The following PDZRN4 variants were observed in gnomAD, a reference collection of about 807,000 sequenced individuals.
The protein encoded by PDZRN4 is PDZ domain containing ring finger 4.
Under a neutral mutation model 99.0 loss-of-function variants are expected in PDZRN4, and 70 were observed. The ratio of observed to expected loss-of-function variants is 0.71; its 90% CI spans 0.58 to 0.86. The LOEUF (loss-of-function observed/expected upper bound fraction) is 0.86. PDZRN4 is among the 40% of genes least tolerant of loss of function. The pLI is 0.00. For missense variants in PDZRN4, 1,474 were observed against 1,331.2 expected (o/e 1.11, Z -1.67); for synonymous variants, 551 against 501.6 (o/e 1.10, Z -1.32).
chr12:41,275,611 A>C (rs933608598), intron 3 of PDZRN4, among the ~76,000 whole-genome samples: 1 of 152,048 alleles, frequency 6.6e-6, no homozygotes, highest in African/African-American at 2.4e-5. Flanking sequence ...CGGTTGGTGT[A>C]ATTTTTATTT....
chr12:41,267,214 G>A (rs1454309350), intron 3 of PDZRN4, among the ~76,000 whole-genome samples: 1 of 152,150 alleles, frequency 6.6e-6, no homozygotes, highest in Non-Finnish European at 1.5e-5. Context: ...AAAATATACT[G>A]TAGTGGATTG....
chr12:41,203,980 G>T (rs1566357383), intron 3 of PDZRN4, among the ~76,000 whole-genome samples: 2 of 152,020 alleles, frequency 1.3e-5, no homozygotes, highest in South Asian at 2.1e-4. Flanking sequence ...AAAAGTGAAA[G>T]AACTTGAGAT....
chr12:41,418,779 G>A (rs1172901149), intron 3 of PDZRN4, among the ~76,000 whole-genome samples: 1 of 152,156 alleles, frequency 6.6e-6, no homozygotes, highest in Admixed American at 6.5e-5. Flanking sequence ...ACATTCACCA[G>A]CAGCCAAGGG....
In PDZRN4 at chr12:41,200,567, G is replaced by A. The variant is rs527972394; in HGVS notation, c.843+6379G>A. On this transcript the variant is annotated intron_variant, in intron 3 of 9. Transcript: ENST00000402685. ...TCTTTTTACTGTGCAGCTTGCACAC[G>A]GCACAGCTGGATTTGGTGTTCCTGT... is the stretch of plus-strand genomic sequence containing the variant. Among the ~76,000 whole-genome samples the A allele has an allele frequency of 7.9e-5, 12 of 152,214 alleles. No individual in the cohort carries two copies. The East Asian group carries it at 9.7e-4, about 12-fold the overall frequency.
Position 41,191,552 on chromosome 12 carries a change from A to T in PDZRN4, c.735+8A>T. ...GGAGGTCGACCAAATCAGGTAAAAC[A>T]CCTTGTTAATGCATTACTCGTTACT... On this transcript the variant is annotated splice_region_variant and intron_variant, in intron 2 of 9. Transcript: ENST00000402685. The T allele has an allele frequency of 7.5e-7, 1 of 1,328,494 alleles. No homozygotes were observed. Among genetic ancestry groups the T allele is most frequent in the Non-Finnish European group, 1.1e-6 (1 of 935,150 alleles). 82.3% of individuals were successfully genotyped at this position (1,328,494 alleles called of 1,614,324 possible). A position where few individuals can be genotyped will look rare whatever the true frequency, so the allele number is the denominator to read the frequency against.
At chr12:41,385,234 A>C (rs1158512089) in intron 3 of PDZRN4, among the ~76,000 whole-genome samples, 1 of 152,208 alleles carries the variant, frequency 6.6e-6, no homozygotes, top group African/African-American at 2.4e-5. Flanking sequence ...TTGCACAATT[A>C]AAAAGGAAGA....
At chr12:41,366,418 A>G (rs1043709129) in intron 3 of PDZRN4, among the ~76,000 whole-genome samples, 2 of 152,268 alleles carry the variant, frequency 1.3e-5, no homozygotes, top group South Asian at 2.1e-4. Context: ...TATCAGCAGT[A>G]ATATATGACT....
intron 3 of PDZRN4, among the ~76,000 whole-genome samples, chr12:41,335,622 G>A (rs970516863): frequency 6.6e-6 from 1 of 152,036 alleles, no homozygotes; most frequent in Non-Finnish European, 1.5e-5. Context: ...TGTTTGCCCA[G>A]GATATTAGTT....
In PDZRN4 at chr12:41,572,824, A is replaced by G; in HGVS notation, c.2045A>G (p.Asn682Ser). 2 of 1,614,190 alleles carry G rather than the reference A, an allele frequency of 1.2e-6. No homozygotes were observed. The highest frequency in any genetic ancestry group is 1.7e-6 in the Non-Finnish European group (2 of 1,180,008). Residue 682 changes from asparagine to serine, a missense_variant, in exon 10 of 10, where the codon AAT (asparagine) becomes AGT (serine). Physicochemically the swap from Asn to Ser is conservative, Grantham distance 46. Coordinates refer to ENST00000402685, the MANE Select transcript of PDZRN4 (RefSeq NM_001164595.2). ...AGAAACATTGAGCTTGAGTGTCAGA[A>G]TATCATGCAGGCTCACAGGCTCCAG... ...ELRNIELECQ[N>S]IMQAHRLQKV...
intron 3 of PDZRN4, among the ~76,000 whole-genome samples, chr12:41,479,296 C>T (rs1350486688): frequency 6.6e-6 from 1 of 152,008 alleles, no homozygotes; most frequent in Non-Finnish European, 1.5e-5. Flanking sequence ...GTAGATGACA[C>T]AGTATTTTTT....
Position 41,477,949 on chromosome 12 carries a change from A to G in PDZRN4, c.844-28507A>G, listed in dbSNP as rs144597121. The G allele has an allele frequency of 3.7e-6, 5 of 1,366,510 alleles. No individual in the cohort carries two copies. The African/African-American group carries it at 5.7e-5, about 16-fold the overall frequency. 84.6% of individuals were successfully genotyped at this position (1,366,510 alleles called of 1,614,324 possible). A position where few individuals can be genotyped will look rare whatever the true frequency, so the allele number is the denominator to read the frequency against. ...AGTATGGCATTAAATTTATTTCATC[A>G]TATTATTCTCTTGCTTATCAGTGAG... On this transcript the variant is annotated intron_variant, in intron 3 of 9. Coordinates refer to ENST00000402685, the MANE Select transcript of PDZRN4 (RefSeq NM_001164595.2).
At chr12:41,466,353 T>A (rs1252207071) in intron 3 of PDZRN4, among the ~76,000 whole-genome samples, 1 of 152,054 alleles carries the variant, frequency 6.6e-6, no homozygotes, top group Non-Finnish European at 1.5e-5. Context: ...CCAACACAAA[T>A]CCCCTGACAG....
chr12:41,460,747 A>G (rs1592068611), intron 3 of PDZRN4, among the ~76,000 whole-genome samples: 1 of 152,206 alleles, frequency 6.6e-6, no homozygotes, highest in African/African-American at 2.4e-5. Context: ...TCTAATCCCC[A>G]GTGTTACTCA....
intron 3 of PDZRN4, among the ~76,000 whole-genome samples, chr12:41,326,322 T>A (rs1479095358): frequency 1.3e-5 from 2 of 152,160 alleles, no homozygotes; most frequent in African/African-American, 2.4e-5. Flanking sequence ...TGCACTTACA[T>A]GACAACATAC....
intron 3 of PDZRN4, among the ~76,000 whole-genome samples, chr12:41,339,557 C>A (rs1951800845): frequency 1.3e-5 from 2 of 151,892 alleles, no homozygotes; most frequent in Non-Finnish European, 2.9e-5. Flanking sequence ...AGCAACAAAG[C>A]AACAAAGCAA....
chr12:41,378,765 T>C (rs1291973532), intron 3 of PDZRN4, among the ~76,000 whole-genome samples: 3 of 152,102 alleles, frequency 2.0e-5, no homozygotes, highest in Non-Finnish European at 2.9e-5. Flanking sequence ...TCAGGTGATC[T>C]GCCCACCTCA....
chr12:41,510,668 C>T (rs543952934), intron 5 of PDZRN4, among the ~76,000 whole-genome samples: 3 of 152,130 alleles, frequency 2.0e-5, no homozygotes, highest in Admixed American at 2.0e-4. Context: ...GGTCACCTGC[C>T]CTTTTAATGC....
intron 3 of PDZRN4, among the ~76,000 whole-genome samples, chr12:41,376,094 T>C (rs1952077176): frequency 6.6e-6 from 1 of 152,204 alleles, no homozygotes; most frequent in Non-Finnish European, 1.5e-5. Context: ...TTTCCTTGGA[T>C]ATGGCTGAAT....
At chr12:41,228,375 A>G (rs1451890421) in intron 3 of PDZRN4, among the ~76,000 whole-genome samples, 3 of 152,156 alleles carry the variant, frequency 2.0e-5, no homozygotes, top group African/African-American at 7.2e-5. Flanking sequence ...CTTACTGACT[A>G]CAGAATAATT....
Sources: gnomAD v4.1 joint callset for allele counts (sites outside exome capture counted in the v4.1 genomes callset) on GRCh38, gnomAD v4.1.1 for gene constraint, MANE v1.5 for transcripts, NCBI Gene and HGNC (gene_info 2026-07-23, HGNC 2026-07-21) for gene names.